SLFN12: variants seen among roughly 807,000 people sequenced by gnomAD.
SLFN12 encodes the protein ribonuclease SLFN12.
Under a neutral mutation model 29.1 loss-of-function variants are expected in SLFN12, and 25 were observed. That is an observed-to-expected ratio of 0.86 (90% CI 0.63 to 1.20). SLFN12 has a LOEUF of 1.20. Ranked by LOEUF, SLFN12 falls within the 50% of genes most tolerant of loss-of-function variation. SLFN12 has a pLI of 0.00. For missense variants in SLFN12, 660 were observed against 666.2 expected (o/e 0.99, Z 0.10); for synonymous variants, 257 against 238.7 (o/e 1.08, Z -0.71).
intron 3 of SLFN12, among the ~76,000 whole-genome samples, chr17:35,414,179 A>G (rs996278074): frequency 3.3e-5 from 5 of 152,148 alleles, no homozygotes; most frequent in African/African-American, 1.2e-4. Flanking sequence ...GGAAAATAAG[A>G]AATTAAATTG....
chr17:35,423,009 A>G lies in SLFN12; in HGVS notation c.20T>C (p.Leu7Ser), dbSNP rs768785089. 1.2e-6 allele frequency: 2 copies of G among 1,611,552 alleles called. No homozygotes were observed. The highest frequency in any genetic ancestry group is 2.2e-5 in the East Asian group (1 of 44,882). MNISVD[L>S]ETNYAELVLD... ...AACCAACTCGGCATAATTCGTTTCC[A>G]AATCAACACTGATGTTCATTTTCCC... Residue 7 changes from leucine (L) to serine (S), a missense_variant, in exon 2 of 4, where the codon TTG becomes TCG. Physicochemically the swap from Leu to Ser is moderately radical, Grantham distance 145. Coordinates refer to ENST00000304905, the MANE Select transcript of SLFN12 (RefSeq NM_018042.5).
intron 2 of SLFN12, 121 bp from the exon 3 acceptor site, chr17:35,420,502 T>C: frequency 1.6e-6 from 1 of 620,320 alleles, no homozygotes; most frequent in East Asian, 3.0e-5. Flanking sequence ...AAAAAATTAA[T>C]GTTAGATATT....
chr17:35,432,345 G>C lies in SLFN12; in HGVS notation c.-198C>G, dbSNP rs1912368918. Reference sequence around the variant, plus strand: ...AACGAAAGTGCACTCCACAGGGTGGGAGCAGGCCCGAGGATAGCGGCTCAA... The same window carrying C: ...AACGAAAGTGCACTCCACAGGGTGGCAGCAGGCCCGAGGATAGCGGCTCAA... On this transcript the variant is annotated 5_prime_UTR_variant, in exon 1 of 4. Transcript: ENST00000304905. The C allele has an allele frequency of 6.6e-6, 1 of 152,222 alleles. No individual in the cohort carries two copies. The highest frequency in any genetic ancestry group is 1.5e-5 in the Non-Finnish European group (1 of 68,126). The allele number at this position is 152,222 out of a possible 1,614,324, so 9.4% of individuals were successfully genotyped here.
rs145279209 is a variant in SLFN12 at position 35,427,619 on chromosome 17, GC to G, written c.-40-4552del. Among the ~76,000 whole-genome samples, 1,408 of 152,132 alleles carry G rather than the reference GC, an allele frequency of 9.3e-3. 16 individuals are homozygous for G. Among genetic ancestry groups the G allele is most frequent in the African/African-American group, 0.033 (1,354 of 41,512 alleles). On this transcript the variant is annotated intron_variant, in intron 1 of 3. Coordinates refer to ENST00000304905, the MANE Select transcript of SLFN12 (RefSeq NM_018042.5). ...AACGAAAATATACTATTTGAATCTT[GC>G]TTTTCCATGTATCAATATAGTATAT...
At chr17:35,420,638 T>G in intron 2 of SLFN12, 1 of 288,886 alleles carries the variant, frequency 3.5e-6, no homozygotes, top group Non-Finnish European at 6.5e-6. Context: ...TACCATATAA[T>G]TGGGTTTATT....
chr17:35,424,268 G>A (rs933155439), intron 1 of SLFN12, among the ~76,000 whole-genome samples: 3 of 151,840 alleles, frequency 2.0e-5, no homozygotes, highest in African/African-American at 7.3e-5. Context: ...TTTAAGTTAA[G>A]AAGTGTGACT....
intron 1 of SLFN12, among the ~76,000 whole-genome samples, chr17:35,427,905 G>C (rs577708964): frequency 3.3e-5 from 5 of 151,994 alleles, no homozygotes; most frequent in East Asian, 3.8e-4. Context: ...ATACAGATAC[G>C]GTTCAGATAT....
chr17:35,417,369 T>C (rs1911374880), intron 3 of SLFN12, among the ~76,000 whole-genome samples: 1 of 152,124 alleles, frequency 6.6e-6, no homozygotes, highest in Non-Finnish European at 1.5e-5. Flanking sequence ...AGAAAAAACA[T>C]TTAGTAAACT....
chr17:35,411,789 G>A lies in SLFN12; in HGVS notation c.1286C>T (p.Ser429Phe), dbSNP rs866768969. 6.2e-7 allele frequency: 1 copy of A among 1,614,068 alleles called. No individual in the cohort carries two copies. Among genetic ancestry groups the A allele is most frequent in the Non-Finnish European group, 8.5e-7 (1 of 1,179,998 alleles). ...GTTCTCTTGCAAGCCCAGATCCACA[G>A]ACCAGCTCCTAGAGAAGATCAGTGA... The part of the protein sequence containing the change: ...KGSLIFSRSW[S>F]VDLGLQENHK... The change falls in exon 4 of 4, where the codon TCT (serine) becomes TTT (phenylalanine). Residue 429 changes from serine (S) to phenylalanine (F), a missense_variant. Transcript: ENST00000304905.
chr17:35,413,363 A>C (rs990388347), intron 3 of SLFN12, among the ~76,000 whole-genome samples: 4 of 152,120 alleles, frequency 2.6e-5, no homozygotes, highest in African/African-American at 9.6e-5. Context: ...ACACTACAAA[A>C]AAAAAGAAAG....
intron 1 of SLFN12, among the ~76,000 whole-genome samples, chr17:35,423,418 G>A (rs1911822454): frequency 6.6e-6 from 1 of 151,704 alleles, no homozygotes; most frequent in African/African-American, 2.4e-5. Flanking sequence ...AGTGAACCAG[G>A]CTTTAGTTAT....
At chr17:35,421,785 C>T (rs1347162967) in intron 2 of SLFN12, among the ~76,000 whole-genome samples, 2 of 151,854 alleles carry the variant, frequency 1.3e-5, no homozygotes, top group Non-Finnish European at 2.9e-5. Context: ...CGTGATCCGC[C>T]CGCCTTGGCC....
At chr17:35,417,686 C>T (rs1911392298) in intron 3 of SLFN12, among the ~76,000 whole-genome samples, 2 of 151,868 alleles carry the variant, frequency 1.3e-5, no homozygotes, top group Non-Finnish European at 2.9e-5. Flanking sequence ...AAGGAAAAGA[C>T]AAAACATTTT....
intron 1 of SLFN12, among the ~76,000 whole-genome samples, 181 bp from the exon 2 acceptor site, chr17:35,423,249 A>G (rs1315669820): frequency 2.6e-5 from 4 of 152,106 alleles, no homozygotes; most frequent in Non-Finnish European, 4.4e-5. Context: ...CTCCTACTGA[A>G]TTTTCAAATT....
In SLFN12 at chr17:35,422,097, C is replaced by T; in HGVS notation, c.932G>A (p.Cys311Tyr). ...YVCALRVERFCCAVFAKEPDS... is the reference protein window; with the variant it reads ...YVCALRVERFYCAVFAKEPDS... ...AGGCTCTTTAGCAAACACTGCACAG[C>T]AGAAGCGCTCCACTCTGAGTGCACA... The change falls in exon 2 of 4, where the codon TGC (cysteine) becomes TAC (tyrosine). Residue 311 changes from cysteine (C) to tyrosine (Y), a missense_variant. Physicochemically the swap from Cys to Tyr is radical, Grantham distance 194. Transcript: ENST00000304905. The T allele has an allele frequency of 6.2e-7, 1 of 1,614,110 alleles. No individual in the cohort carries two copies.
chr17:35,425,841 T>TTTA (rs1911990438), intron 1 of SLFN12, among the ~76,000 whole-genome samples: 1 of 116,112 alleles, frequency 8.6e-6, no homozygotes, highest in African/African-American at 3.3e-5. Context: ...TTCTTTTCTT[T>TTTA]TTTTTTTTTT....
chr17:35,420,115 A>G (rs554936005), intron 3 of SLFN12, among the ~76,000 whole-genome samples, 159 bp downstream of exon 3: 2 of 152,304 alleles, frequency 1.3e-5, no homozygotes, highest in South Asian at 4.1e-4. Context: ...AAATATAAAG[A>G]AATAGGATTT....
chr17:35,411,555 C>T lies in SLFN12; in HGVS notation c.1520G>A (p.Ser507Asn), dbSNP rs774874314. ...IFYLSPEGMTSCQYDLRSQVI... is the reference protein window; with the variant it reads ...IFYLSPEGMTNCQYDLRSQVI... ...TTGCGACCTTAAATCATACTGGCAG[C>T]TTGTCATGCCTTCAGGGCTCAAGTA... The change falls in exon 4 of 4, where the codon AGC (serine) becomes AAC (asparagine). Residue 507 changes from serine to asparagine, a missense_variant. Ser to Asn is a conservative substitution (Grantham distance 46). Transcript: ENST00000304905. 2 of 1,614,042 alleles carry T rather than the reference C, an allele frequency of 1.2e-6. No homozygotes were observed.
chr17:35,428,408 T>C (rs1001308370), intron 1 of SLFN12, among the ~76,000 whole-genome samples: 3 of 152,036 alleles, frequency 2.0e-5, no homozygotes, highest in Non-Finnish European at 4.4e-5. Flanking sequence ...GAAGAGGATG[T>C]GGTCTAAAAG....
Sources: gnomAD v4.1 joint callset for allele counts (sites outside exome capture counted in the v4.1 genomes callset) on GRCh38, gnomAD v4.1.1 for gene constraint, MANE v1.5 for transcripts, NCBI Gene and HGNC (gene_info 2026-07-23, HGNC 2026-07-21) for gene names.